CEP128: variants seen among roughly 807,000 people sequenced by gnomAD.
CEP128 encodes centrosomal protein 128.
A neutral mutation model predicts 156.7 loss-of-function variants in CEP128; 132 were observed. That is an observed-to-expected ratio of 0.84 (90% CI 0.73 to 0.97). CEP128 has a LOEUF of 0.97. Ranked by LOEUF, CEP128 falls within the 50% of genes least tolerant of loss-of-function variation. The pLI is 0.00. For missense variants in CEP128, 1,252 were observed against 1,281.9 expected, an observed-to-expected ratio of 0.98 and a Z score of 0.36; for synonymous variants, 469 against 448.9, an observed-to-expected ratio of 1.04 and a Z score of -0.57.
intron 21 of CEP128, among the ~76,000 whole-genome samples, chr14:80,553,422 T>G (rs559283663): frequency 3.3e-5 from 5 of 152,238 alleles, no homozygotes; most frequent in Non-Finnish European, 7.3e-5. Context: ...TCCACTGGTA[T>G]GTGATGCCAT....
chr14:80,817,300 T>C (rs1884917750), intron 13 of CEP128, among the ~76,000 whole-genome samples: 1 of 152,100 alleles, frequency 6.6e-6, no homozygotes, highest in South Asian at 2.1e-4. Flanking sequence ...TTATCTAAAA[T>C]GTCTAATCTC....
At chr14:80,739,637 TC>T (rs1898705064) in intron 19 of CEP128, among the ~76,000 whole-genome samples, 1 of 151,978 alleles carries the variant, frequency 6.6e-6, no homozygotes, top group African/African-American at 2.4e-5. Flanking sequence ...GTTTTAATAT[TC>T]TTTTTTTTTG....
chr14:80,597,647 A>T (rs1373042691), intron 19 of CEP128, among the ~76,000 whole-genome samples: 1 of 112,462 alleles, frequency 8.9e-6, no homozygotes, highest in East Asian at 4.2e-4. Context: ...GAAAGAAAAG[A>T]AAAAAAAAAA....
intron 21 of CEP128, among the ~76,000 whole-genome samples, chr14:80,531,743 T>C (rs1241602341): frequency 6.6e-6 from 1 of 152,100 alleles, no homozygotes; most frequent in Non-Finnish European, 1.5e-5. Flanking sequence ...GAAAGAGAAG[T>C]GTACTGCAAG....
At chr14:80,605,715 G>A (rs1892749945) in intron 19 of CEP128, among the ~76,000 whole-genome samples, 1 of 151,972 alleles carries the variant, frequency 6.6e-6, no homozygotes, top group African/African-American at 2.4e-5. Context: ...GGCCAAGAAT[G>A]TCTTCCAAAA....
At chr14:80,675,654 A>G (rs1566849355) in intron 19 of CEP128, among the ~76,000 whole-genome samples, 2 of 152,072 alleles carry the variant, frequency 1.3e-5, no homozygotes, top group Non-Finnish European at 2.9e-5. Flanking sequence ...TAAGTAGGTT[A>G]TATTTTAGAA....
intron 19 of CEP128, among the ~76,000 whole-genome samples, chr14:80,697,219 C>T (rs1338895497): frequency 6.6e-6 from 1 of 152,032 alleles, no homozygotes; most frequent in Non-Finnish European, 1.5e-5. Context: ...AATTTGGCCT[C>T]TCAGAGATAT....
At chr14:80,541,467 C>CAAAAAAAAAAAA (rs1889760365) in intron 21 of CEP128, among the ~76,000 whole-genome samples, 1 of 94,412 alleles carries the variant, frequency 1.1e-5, no homozygotes, top group African/African-American at 6.0e-5. Flanking sequence ...AAAAAAAAAC[C>CAAAAAAAAAAAA]AGGAAAAAAG....
At chr14:80,582,777 G>C (rs752380292) in intron 19 of CEP128, among the ~76,000 whole-genome samples, 2 of 152,020 alleles carry the variant, frequency 1.3e-5, no homozygotes, top group African/African-American at 2.4e-5. Context: ...CAATATTTGT[G>C]AGATATAAGA....
At chr14:80,629,252 C>T (rs913980942) in intron 19 of CEP128, among the ~76,000 whole-genome samples, 1 of 152,134 alleles carries the variant, frequency 6.6e-6, no homozygotes, top group African/African-American at 2.4e-5. Context: ...CTTTGACAAA[C>T]TCAGTCTTCT....
intron 13 of CEP128, among the ~76,000 whole-genome samples, chr14:80,824,774 T>C (rs1418909571): frequency 6.6e-6 from 1 of 152,198 alleles, no homozygotes; most frequent in Non-Finnish European, 1.5e-5. Flanking sequence ...TTTCATGTAT[T>C]CTTTTGAGTC....
At chr14:80,826,536 A>G (rs1337554587) in intron 13 of CEP128, among the ~76,000 whole-genome samples, 7 of 152,200 alleles carry the variant, frequency 4.6e-5, no homozygotes, top group Non-Finnish European at 8.8e-5. Context: ...AAACAAATGC[A>G]TGAATCAAGA....
intron 23 of CEP128, among the ~76,000 whole-genome samples, chr14:80,513,497 T>G (rs1419008685): frequency 6.6e-6 from 1 of 152,192 alleles, no homozygotes; most frequent in Non-Finnish European, 1.5e-5. Flanking sequence ...ACTTAAATAT[T>G]TATATCTTTC....
chr14:80,644,328 A>T (rs1054141269), intron 19 of CEP128, among the ~76,000 whole-genome samples: 1 of 152,210 alleles, frequency 6.6e-6, no homozygotes, highest in African/African-American at 2.4e-5. Flanking sequence ...GGCACCTGTC[A>T]TATGCACATT....
At chr14:80,655,698 C>T (rs1369292579) in intron 19 of CEP128, among the ~76,000 whole-genome samples, 1 of 152,078 alleles carries the variant, frequency 6.6e-6, no homozygotes, top group African/African-American at 2.4e-5. Context: ...AGGCACCTAC[C>T]CTTTGGGATT....
chr14:80,619,359 G>GACACACACACACAC (rs765931874), intron 19 of CEP128, among the ~76,000 whole-genome samples: 1 of 72,630 alleles, frequency 1.4e-5, no homozygotes, highest in African/African-American at 5.8e-5. Context: ...ATGATTTAAA[G>GACACACACACACAC]ACACACAGAC....
At chr14:80,757,039 G>A in intron 17 of CEP128, 88 bp from the exon 18 acceptor site, 1 of 829,358 alleles carries the variant, frequency 1.2e-6, no homozygotes, top group Non-Finnish European at 1.9e-6. Flanking sequence ...GTATCCAAAA[G>A]TTTAGTTCCC....
chr14:80,875,679 C>A (rs1389160321), intron 8 of CEP128, among the ~76,000 whole-genome samples: 1 of 152,032 alleles, frequency 6.6e-6, no homozygotes, highest in East Asian at 1.9e-4. Flanking sequence ...ATAGGCTTGC[C>A]TCAGTTGAAG....
intron 23 of CEP128, among the ~76,000 whole-genome samples, chr14:80,518,927 A>T (rs184252834): frequency 2.0e-5 from 3 of 152,346 alleles, no homozygotes; most frequent in Non-Finnish European, 2.9e-5. Context: ...TGAAAAAAAT[A>T]ATGTCATCTC....
Sources: allele counts gnomAD v4.1 joint callset (sites outside exome capture counted in the v4.1 genomes callset), GRCh38; gene constraint gnomAD v4.1.1; transcripts MANE v1.5; gene names NCBI Gene and HGNC (gene_info 2026-07-23, HGNC 2026-07-21).